Variants in CDC7 observed in about 807,000 individuals in gnomAD.
CDC7 encodes the protein cell division cycle 7-related protein kinase.
CDC7 carries 34 observed loss-of-function variants against 53.5 expected under a neutral mutation model. The observed-to-expected ratio is 0.64, with a 90% CI of 0.48 to 0.85. The LOEUF (loss-of-function observed/expected upper bound fraction) is 0.85, where lower values mean the gene tolerates loss of function less well. Among genes scored for constraint, CDC7 ranks in the 40% least tolerant of loss-of-function variants. The pLI, the probability that CDC7 is intolerant of heterozygous loss-of-function variation, is 0.00. For missense variants in CDC7, 594 were observed against 679.7 expected, an observed-to-expected ratio of 0.87 and a Z score of 1.40; for synonymous variants, 211 against 222.8, an observed-to-expected ratio of 0.95 and a Z score of 0.47.
Position 91,504,258 on chromosome 1 carries a change from G to A in CDC7, c.115+2427G>A, listed in dbSNP as rs147119320. 5.9e-4 allele frequency among the ~76,000 whole-genome samples: 89 copies of A among 151,888 alleles called. No homozygotes were observed. The East Asian group carries it at 0.016, about 27-fold the overall frequency. On this transcript the variant is annotated intron_variant, in intron 2 of 11. Coordinates refer to ENST00000234626, the MANE Select transcript of CDC7 (RefSeq NM_003503.4). ...GTAGCTTGGATTACAGGCATGTGCCGCTACACTCAGCTAATTTTAAATATT... is the reference window on the plus strand; with the variant it reads ...GTAGCTTGGATTACAGGCATGTGCCACTACACTCAGCTAATTTTAAATATT...
chr1:91,509,954 G>A (rs1466606038), intron 4 of CDC7, among the ~76,000 whole-genome samples: 4 of 152,178 alleles, frequency 2.6e-5, no homozygotes, highest in African/African-American at 4.8e-5. Flanking sequence ...GAAACTGGAC[G>A]CAGTAGTTCA....
intron 10 of CDC7, among the ~76,000 whole-genome samples, chr1:91,516,776 T>A (rs993834333): frequency 1.3e-5 from 2 of 152,160 alleles, no homozygotes; most frequent in Non-Finnish European, 2.9e-5. Context: ...TAAAAAAGTT[T>A]CATTTTGGCC....
In CDC7 at chr1:91,514,931, C is replaced by G; in HGVS notation, c.1031C>G (p.Ser344Cys). Reference protein sequence around the residue: ...NSAVMRKTASSCPASLTCDCY... With the variant: ...NSAVMRKTASCCPASLTCDCY... Reference sequence around the variant, plus strand: ...GCTGTGATGAGGAAAACTGCCAGTTCTTGCCCAGCTAGCCTGACCTGTGAC... The same window carrying G: ...GCTGTGATGAGGAAAACTGCCAGTTGTTGCCCAGCTAGCCTGACCTGTGAC... Residue 344 changes from serine to cysteine, a missense_variant, in exon 9 of 12, where the codon TCT (serine) becomes TGT (cysteine). Physicochemically the swap from Ser to Cys is moderately radical, Grantham distance 112. Transcript: ENST00000234626. 1 of 1,613,866 alleles carries G rather than the reference C, an allele frequency of 6.2e-7. No individual in the cohort carries two copies. The highest frequency in any genetic ancestry group is 1.1e-5 in the South Asian group (1 of 91,062).
At chr1:91,509,257 C>G (rs960376003) in intron 4 of CDC7, among the ~76,000 whole-genome samples, 1 of 151,804 alleles carries the variant, frequency 6.6e-6, no homozygotes, top group African/African-American at 2.4e-5. Flanking sequence ...TAGTTAATCT[C>G]AGACCTTTTA....
intron 2 of CDC7, among the ~76,000 whole-genome samples, chr1:91,502,903 C>G (rs1273365310): frequency 6.6e-6 from 1 of 152,132 alleles, no homozygotes; most frequent in Admixed American, 6.6e-5. Context: ...TACTGTTCCT[C>G]TTCCTTTCCA....
intron 10 of CDC7, among the ~76,000 whole-genome samples, chr1:91,519,563 C>T (rs1667805666): frequency 6.6e-6 from 1 of 152,122 alleles, no homozygotes; most frequent in Non-Finnish European, 1.5e-5. Context: ...CTTATATACC[C>T]CATCAATATA....
chr1:91,514,914 G>A lies in CDC7; in HGVS notation c.1014G>A (p.Met338Ile), dbSNP rs749879010. The change falls in exon 9 of 12, where the codon ATG becomes ATA. Residue 338 changes from methionine to isoleucine, a missense_variant. Physicochemically the swap from Met to Ile is conservative, Grantham distance 10. Transcript: ENST00000234626. Reference sequence around the variant, plus strand: ...CAAAAGTTATGAATAGTGCTGTGATGAGGAAAACTGCCAGTTCTTGCCCAG... The same window carrying A: ...CAAAAGTTATGAATAGTGCTGTGATAAGGAAAACTGCCAGTTCTTGCCCAG... Reference protein sequence around the residue: ...ISTKVMNSAVMRKTASSCPAS... With the variant: ...ISTKVMNSAVIRKTASSCPAS... 1.2e-6 allele frequency: 2 copies of A among 1,613,708 alleles called. No individual in the cohort carries two copies. Among genetic ancestry groups the A allele is most frequent in the Admixed American group, 1.7e-5 (1 of 59,990 alleles).
Position 91,508,288 on chromosome 1 carries a change from A to G in CDC7, c.226A>G (p.Thr76Ala). The G allele has an allele frequency of 6.2e-7, 1 of 1,610,388 alleles. No homozygotes were observed. Among genetic ancestry groups the G allele is most frequent in the South Asian group, 1.1e-5 (1 of 90,316 alleles). ...EGTFSSVYLA[T>A]AQLQVGPEEK... ...CACTTTCAGCTCTGTTTATTTGGCC[A>G]CAGCACAGTTACAAGTAGGACCTGA... The change falls in exon 4 of 12, where the codon ACA (threonine) becomes GCA (alanine). Residue 76 changes from threonine (T) to alanine (A), a missense_variant. Transcript: ENST00000234626.
chr1:91,519,115 G>T (rs1667764427), intron 10 of CDC7, among the ~76,000 whole-genome samples: 1 of 151,368 alleles, frequency 6.6e-6, no homozygotes, highest in African/African-American at 2.4e-5. Flanking sequence ...CACAGCAGGG[G>T]GATTATAGTC....
chr1:91,525,521 AG>A lies in CDC7; in HGVS notation c.*1087del, dbSNP rs1444538281. The stretch of plus-strand genomic sequence containing the variant: ...GCATATCAAACTTCCTATGGGAAAA[AG>A]TCTGGTGGGTGGTCAGCTGACAGAT... On this transcript the variant is annotated 3_prime_UTR_variant, in exon 12 of 12. Transcript: ENST00000234626. The A allele has an allele frequency of 6.6e-6, 1 of 152,130 alleles. No individual in the cohort carries two copies. Among genetic ancestry groups the A allele is most frequent in the Non-Finnish European group, 1.5e-5 (1 of 67,970 alleles). The allele number at this position is 152,130 out of a possible 1,614,324, so 9.4% of individuals were successfully genotyped here. A position where few individuals can be genotyped will look rare whatever the true frequency, so the allele number is the denominator to read the frequency against.
At position 91,511,859 on chromosome 1, in the gene CDC7, C is replaced by CA. The variant is rs1255263669; in HGVS notation, c.509dup (p.Phe171ValfsTer7). ...GTTCAAAGCTTTGAAACGCATTCATCAGTTTGGTATTGTTCACCGTGATGT... is the reference window on the plus strand; with the variant it reads ...GTTCAAAGCTTTGAAACGCATTCATCAAGTTTGGTATTGTTCACCGTGATGT... On this transcript the variant is annotated frameshift_variant, in exon 6 of 12. Transcript: ENST00000234626. LOFTEE classifies it high-confidence loss of function. 1 of 1,605,944 alleles carries CA rather than the reference C, an allele frequency of 6.2e-7. No homozygotes were observed. The highest frequency in any genetic ancestry group is 1.1e-5 in the South Asian group (1 of 90,330).
chr1:91,503,665 T>C (rs1666825467), intron 2 of CDC7, among the ~76,000 whole-genome samples: 1 of 152,240 alleles, frequency 6.6e-6, no homozygotes, highest in South Asian at 2.1e-4. Flanking sequence ...CAGATTTTTA[T>C]AACATTTTTC....
At position 91,513,295 on chromosome 1, in the gene CDC7, A is replaced by G. The variant is rs748649878; in HGVS notation, c.810A>G (p.Gly270=). 2.5e-6 allele frequency: 4 copies of G among 1,612,648 alleles called. No homozygotes were observed. Among genetic ancestry groups the G allele is most frequent in the Non-Finnish European group, 2.5e-6 (3 of 1,179,032 alleles). Residue 270 remains glycine (G), a synonymous_variant, in exon 7 of 12, where the codon GGA becomes GGG. Transcript: ENST00000234626. The part of the protein sequence containing the change: ...YTNAQIQIKQ[G]KDGKEGSVGL... ...ATGCACAAATTCAGATTAAACAAGG[A>G]AAAGACGGAAAGGTTCTATCTCTTT...
chr1:91,511,188 G>A (rs1465296213), intron 4 of CDC7, among the ~76,000 whole-genome samples: 2 of 152,100 alleles, frequency 1.3e-5, no homozygotes, highest in South Asian at 2.1e-4. Context: ...ATGAAGCAGT[G>A]TAACATAGTG....
chr1:91,508,004 T>C, intron 3 of CDC7, 67 bp downstream of exon 3: 1 of 1,304,796 alleles, frequency 7.7e-7, no homozygotes, highest in East Asian at 2.5e-5. Context: ...CCTTTTTTAG[T>C]CTTGGTTTTC....
chr1:91,514,844 A>C lies in CDC7; in HGVS notation c.944A>C (p.Asp315Ala). 6.2e-7 allele frequency: 1 copy of C among 1,611,908 alleles called. No individual in the cohort carries two copies. The highest frequency in any genetic ancestry group is 8.5e-7 in the Non-Finnish European group (1 of 1,178,958). Residue 315 changes from aspartate (D) to alanine (A), a missense_variant, in exon 9 of 12, where the codon GAT becomes GCT. Transcript: ENST00000234626. ...VKLMKQSKTVDVLSRKLATKK... is the reference protein window; with the variant it reads ...VKLMKQSKTVAVLSRKLATKK... The stretch of plus-strand genomic sequence containing the variant: ...CTCATGAAGCAGTCAAAGACTGTGG[A>C]TGTACTGTCTAGAAAGTTAGCAACA...
rs1302266339 is a variant in CDC7 at position 91,524,358 on chromosome 1, C to T, written c.1648C>T (p.Leu550=). The change falls in exon 12 of 12, where the codon CTA becomes TTA. Residue 550 remains leucine (L), a synonymous_variant. Coordinates refer to ENST00000234626, the MANE Select transcript of CDC7 (RefSeq NM_003503.4). ...DEAYDLLDKL[L]DLNPASRITA... ...AGCTTATGACCTGCTTGATAAACTTCTAGATCTAAATCCAGCTTCAAGAAT... is the reference window on the plus strand; with the variant it reads ...AGCTTATGACCTGCTTGATAAACTTTTAGATCTAAATCCAGCTTCAAGAAT... 1.9e-6 allele frequency: 3 copies of T among 1,613,382 alleles called. No homozygotes were observed. The highest frequency in any genetic ancestry group is 2.2e-5 in the South Asian group (2 of 91,066).
chr1:91,513,049 G>T lies in CDC7; in HGVS notation c.573-9G>T. The stretch of plus-strand genomic sequence containing the variant: ...CAGATAAGTAAAAATGCTTAATTTT[G>T]TCTCTTAGGTATGCCTTGGTAGACT... On this transcript the variant is annotated splice_polypyrimidine_tract_variant and intron_variant, in intron 6 of 11. Coordinates refer to ENST00000234626, the MANE Select transcript of CDC7 (RefSeq NM_003503.4). 6.2e-7 allele frequency: 1 copy of T among 1,609,816 alleles called. No homozygotes were observed. Among genetic ancestry groups the T allele is most frequent in the Non-Finnish European group, 8.5e-7 (1 of 1,177,866 alleles).
chr1:91,518,866 C>G (rs1667744682), intron 10 of CDC7, among the ~76,000 whole-genome samples: 1 of 152,000 alleles, frequency 6.6e-6, no homozygotes, highest in African/African-American at 2.4e-5. Flanking sequence ...TCGAGACCAG[C>G]TTGGGCAACA....
Sources: allele counts gnomAD v4.1 joint callset (sites outside exome capture counted in the v4.1 genomes callset), GRCh38; gene constraint gnomAD v4.1.1; transcripts MANE v1.5; gene names NCBI Gene and HGNC (gene_info 2026-07-23, HGNC 2026-07-21).